Variants in RIMS2 observed in about 807,000 individuals in gnomAD.
The protein encoded by RIMS2 is regulating synaptic membrane exocytosis protein 2.
In RIMS2, 59 loss-of-function variants were observed where a neutral mutation model predicts 174.4. That is an observed-to-expected ratio of 0.34 (90% CI 0.27 to 0.42). RIMS2 has a LOEUF of 0.42. Among genes scored for constraint, RIMS2 ranks in the 10% least tolerant of loss-of-function variants. The pLI, the probability that RIMS2 is intolerant of heterozygous loss-of-function variation, is 1.00. For missense variants in RIMS2, 1,620 were observed against 1,666.3 expected (o/e 0.97, Z 0.48); for synonymous variants, 606 against 572.5 (o/e 1.06, Z -0.84).
intron 19 of RIMS2, among the ~76,000 whole-genome samples, chr8:104,196,550 G>A (rs2099025476): frequency 6.6e-6 from 1 of 151,906 alleles, no homozygotes; most frequent in Non-Finnish European, 1.5e-5. Flanking sequence ...AAGTAATTAT[G>A]AACTGTTATA....
At chr8:103,616,364 A>G (rs1376413809) in intron 1 of RIMS2, among the ~76,000 whole-genome samples, 2 of 152,238 alleles carry the variant, frequency 1.3e-5, no homozygotes, top group African/African-American at 2.4e-5. Context: ...ATGAAAGAAC[A>G]TAGTTCAAAA....
intron 1 of RIMS2, among the ~76,000 whole-genome samples, chr8:103,595,850 AC>A (rs1441570542): frequency 6.6e-6 from 1 of 151,936 alleles, no homozygotes; most frequent in East Asian, 1.9e-4. Flanking sequence ...ATCCCATCCC[AC>A]AGAAAACCTC....
chr8:104,135,493 C>A (rs1343167598), intron 19 of RIMS2, among the ~76,000 whole-genome samples: 2 of 151,502 alleles, frequency 1.3e-5, no homozygotes, highest in African/African-American at 4.9e-5. Flanking sequence ...GTAGTCCCAA[C>A]TACCTGGGAG....
At position 104,240,698 on chromosome 8, in the gene RIMS2, C is replaced by G. The variant is rs139610346; in HGVS notation, c.3335-4218C>G. 5.9e-5 allele frequency among the ~76,000 whole-genome samples: 9 copies of G among 152,182 alleles called. No homozygotes were observed. The East Asian group carries it at 1.7e-3, about 29-fold the overall frequency. ...ATCAGATATCATCTGCCCTCCTCCC[C>G]CTCCCTTTTTCATAAATGAGGAGCC... On this transcript the variant is annotated intron_variant, in intron 19 of 23. Transcript: ENST00000504942.
At chr8:103,631,992 G>T (rs972108902) in intron 1 of RIMS2, among the ~76,000 whole-genome samples, 1 of 152,160 alleles carries the variant, frequency 6.6e-6, no homozygotes, top group Non-Finnish European at 1.5e-5. Flanking sequence ...CTAAAACTTT[G>T]CTGAAGTTGT....
intron 19 of RIMS2, among the ~76,000 whole-genome samples, chr8:104,040,574 T>C (rs969837920): frequency 2.0e-5 from 3 of 151,698 alleles, no homozygotes; most frequent in African/African-American, 7.2e-5. Context: ...TAATAATCTA[T>C]AAAGTGGCAT....
chr8:103,934,388 A>G (rs1021426552), intron 12 of RIMS2, among the ~76,000 whole-genome samples: 1 of 152,138 alleles, frequency 6.6e-6, no homozygotes, highest in African/African-American at 2.4e-5. Context: ...CTTATGCAGT[A>G]TGCTTTGATT....
At chr8:103,975,496 C>A in exon 16 of RIMS2, 1 of 1,612,576 alleles carries the variant, frequency 6.2e-7, no homozygotes, top group Admixed American at 1.7e-5. Flanking sequence ...CAGTGTCCCT[C>A]CTCCACAAAG....
At chr8:103,508,823 A>G (rs1285465635) in intron 1 of RIMS2, among the ~76,000 whole-genome samples, 2 of 152,266 alleles carry the variant, frequency 1.3e-5, no homozygotes, top group South Asian at 2.1e-4. Context: ...GTGGAGAGTC[A>G]AGACAAATTT....
chr8:103,857,031 A>T (rs2099031690), intron 3 of RIMS2, among the ~76,000 whole-genome samples: 1 of 152,170 alleles, frequency 6.6e-6, no homozygotes, highest in South Asian at 2.1e-4. Context: ...GTATAGGTAG[A>T]GACAATATCA....
intron 3 of RIMS2, among the ~76,000 whole-genome samples, chr8:103,801,462 C>G (rs1292563550): frequency 6.6e-6 from 1 of 152,054 alleles, no homozygotes; most frequent in Non-Finnish European, 1.5e-5. Flanking sequence ...CTTTCTTTTC[C>G]TTTTAAAATA....
At chr8:103,666,912 T>G (rs1177797830) in intron 1 of RIMS2, among the ~76,000 whole-genome samples, 1 of 152,208 alleles carries the variant, frequency 6.6e-6, no homozygotes, top group Non-Finnish European at 1.5e-5. Context: ...ATCATGCATT[T>G]CTTTGAGTTT....
chr8:103,898,273 A>G (rs143916352), intron 4 of RIMS2, among the ~76,000 whole-genome samples: 1,822 of 151,826 alleles, frequency 0.012, 17 homozygotes, highest in Middle Eastern at 0.024. Flanking sequence ...CTATGGTCTC[A>G]GTCTTTTTGG....
intron 19 of RIMS2, among the ~76,000 whole-genome samples, chr8:104,138,343 A>G (rs558735551): frequency 6.6e-6 from 1 of 152,254 alleles, no homozygotes; most frequent in Non-Finnish European, 1.5e-5. Context: ...TTTCTTGAGG[A>G]ACCTCCAAAC....
intron 19 of RIMS2, among the ~76,000 whole-genome samples, chr8:104,122,735 G>C (rs968922756): frequency 1.3e-5 from 2 of 152,042 alleles, no homozygotes; most frequent in African/African-American, 4.8e-5. Flanking sequence ...ACTGAAATAG[G>C]TATTAACTTC....
At chr8:104,252,058 C>G, downstream of RIMS2, 1 of 540,378 alleles carries the variant, frequency 1.9e-6, no homozygotes, top group Non-Finnish European at 3.3e-6. Flanking sequence ...CAATGACACT[C>G]GAGTTCTGGT....
At chr8:103,622,230 GTATC>G (rs1212411688) in intron 1 of RIMS2, among the ~76,000 whole-genome samples, 3 of 151,968 alleles carry the variant, frequency 2.0e-5, no homozygotes, top group Non-Finnish European at 4.4e-5. Flanking sequence ...ACATAGAAGG[GTATC>G]TATGTCTGAT....
At chr8:103,788,615 A>G (rs140520374) in intron 3 of RIMS2, among the ~76,000 whole-genome samples, 58,040 of 150,794 alleles carry the variant, frequency 0.38, 11,615 homozygotes, top group African/African-American at 0.44. Context: ...ACTCGAGGAG[A>G]CAGTTTGCCC....
intron 19 of RIMS2, among the ~76,000 whole-genome samples, chr8:104,079,929 A>C (rs2097379994): frequency 6.6e-6 from 1 of 151,852 alleles, no homozygotes; most frequent in African/African-American, 2.4e-5. Context: ...TAGTTTGAAA[A>C]AGATTCTAGA....
Sources: gnomAD v4.1 joint callset for allele counts (sites outside exome capture counted in the v4.1 genomes callset) on GRCh38, gnomAD v4.1.1 for gene constraint, MANE v1.5 for transcripts, NCBI Gene and HGNC (gene_info 2026-07-23, HGNC 2026-07-21) for gene names.